Variants in LRRTM4 observed in about 807,000 individuals in gnomAD.
LRRTM4 encodes leucine rich repeat transmembrane neuronal 4.
LRRTM4 carries 25 observed loss-of-function variants against 47.6 expected under a neutral mutation model. The observed-to-expected ratio is 0.53, with a 90% confidence interval of 0.38 to 0.73. The LOEUF (loss-of-function observed/expected upper bound fraction) is 0.73. Among genes scored for constraint, LRRTM4 ranks in the 30% least tolerant of loss-of-function variants. The probability of loss-of-function intolerance (pLI) is 0.00; values close to 1 mark genes in which losing one functional copy is unlikely to be tolerated. For synonymous variants in LRRTM4, 311 were observed against 269.5 expected, an observed-to-expected ratio of 1.15 and a Z score of -1.51; for missense variants, 638 against 713.4, an observed-to-expected ratio of 0.89 and a Z score of 1.20.
At chr2:77,423,114 T>C (rs1674967347) in intron 3 of LRRTM4, among the ~76,000 whole-genome samples, 1 of 152,152 alleles carries the variant, frequency 6.6e-6, no homozygotes, top group South Asian at 2.1e-4. Context: ...GCACTATTCA[T>C]TTTAAGAGTT....
At chr2:76,810,689 C>T (rs1432053446) in intron 3 of LRRTM4, among the ~76,000 whole-genome samples, 2 of 152,044 alleles carry the variant, frequency 1.3e-5, no homozygotes, top group East Asian at 3.9e-4. Flanking sequence ...AACTTAACTT[C>T]CTTATTTAGT....
chr2:76,887,020 T>A (rs1342672940), intron 3 of LRRTM4, among the ~76,000 whole-genome samples: 1 of 151,844 alleles, frequency 6.6e-6, no homozygotes, highest in Non-Finnish European at 1.5e-5. Flanking sequence ...GAATAAAAAT[T>A]AAAAAATATG....
At chr2:76,858,413 A>G (rs966153393) in intron 3 of LRRTM4, among the ~76,000 whole-genome samples, 2 of 152,174 alleles carry the variant, frequency 1.3e-5, no homozygotes, top group African/African-American at 2.4e-5. Flanking sequence ...CAGGCTTCCA[A>G]CTGAAACTAT....
At chr2:77,394,033 A>G (rs967592559) in intron 3 of LRRTM4, among the ~76,000 whole-genome samples, 1 of 152,024 alleles carries the variant, frequency 6.6e-6, no homozygotes, top group Non-Finnish European at 1.5e-5. Flanking sequence ...TCATACTGCA[A>G]TGAAGTATTG....
chr2:77,395,983 T>A (rs1673685314), intron 3 of LRRTM4, among the ~76,000 whole-genome samples: 1 of 151,914 alleles, frequency 6.6e-6, no homozygotes, highest in Non-Finnish European at 1.5e-5. Context: ...GGAGTTAATT[T>A]TGCTCATTAT....
chr2:77,416,791 C>G (rs998437065), intron 3 of LRRTM4, among the ~76,000 whole-genome samples: 1 of 152,002 alleles, frequency 6.6e-6, no homozygotes, highest in Admixed American at 6.6e-5. Flanking sequence ...AATAGGGTAA[C>G]TGCATAAATG....
intron 3 of LRRTM4, among the ~76,000 whole-genome samples, chr2:77,344,709 T>C (rs1238847881): frequency 6.6e-6 from 1 of 151,744 alleles, no homozygotes; most frequent in African/African-American, 2.4e-5. Flanking sequence ...GAATCAAAAA[T>C]AGGATAAAAG....
intron 3 of LRRTM4, among the ~76,000 whole-genome samples, chr2:76,950,338 T>A (rs964215573): frequency 6.6e-6 from 1 of 151,976 alleles, no homozygotes; most frequent in Non-Finnish European, 1.5e-5. Flanking sequence ...GGTATTGGGA[T>A]GGAGTCAGAC....
At chr2:76,971,745 T>C (rs1161095042) in intron 3 of LRRTM4, among the ~76,000 whole-genome samples, 2 of 152,022 alleles carry the variant, frequency 1.3e-5, no homozygotes, top group African/African-American at 4.8e-5. Flanking sequence ...AAAAATTCAG[T>C]GATAATTTTT....
chr2:77,309,701 A>C (rs1029757937), intron 3 of LRRTM4, among the ~76,000 whole-genome samples: 13 of 151,428 alleles, frequency 8.6e-5, no homozygotes, highest in Non-Finnish European at 1.9e-4. Context: ...ATAGATAGAT[A>C]GATAGATAGA....
chr2:76,990,695 A>T (rs1411485523), intron 3 of LRRTM4, among the ~76,000 whole-genome samples: 1 of 151,872 alleles, frequency 6.6e-6, no homozygotes, highest in Non-Finnish European at 1.5e-5. Flanking sequence ...CCACACAATA[A>T]TAGTGAGGGA....
intron 3 of LRRTM4, among the ~76,000 whole-genome samples, chr2:77,239,476 A>C (rs890352690): frequency 4.6e-5 from 7 of 151,962 alleles, no homozygotes; most frequent in Non-Finnish European, 8.8e-5. Context: ...AAACACTACA[A>C]TTAAGAAAGA....
chr2:77,363,303 T>C (rs1265250841), intron 3 of LRRTM4, among the ~76,000 whole-genome samples: 1 of 151,918 alleles, frequency 6.6e-6, no homozygotes, highest in African/African-American at 2.4e-5. Context: ...GAATTGAATA[T>C]TAAAAAGAAA....
rs80124552 is a variant in LRRTM4, at chr2:77,246,823, G to A, written c.1551+271495C>T. ...GCCTATATACATATACATATGACAC[G>A]CCTATATACATGTATACATATATGC... On this transcript the variant is annotated intron_variant, in intron 3 of 3. Coordinates refer to ENST00000409884, the MANE Select transcript of LRRTM4 (RefSeq NM_001134745.3). Among the ~76,000 whole-genome samples the A allele has an allele frequency of 4.2e-3, 638 of 151,664 alleles. 1 individual carries two copies. The highest frequency in any genetic ancestry group is 0.015 in the African/African-American group (603 of 41,390).
intron 3 of LRRTM4, among the ~76,000 whole-genome samples, chr2:77,000,533 C>T (rs1077111): frequency 0.14 from 21,344 of 152,108 alleles, 1,611 homozygotes; most frequent in Admixed American, 0.2. Flanking sequence ...ATTAAGTGTG[C>T]TCAGGGACTG....
chr2:76,846,872 A>T (rs1255097658), intron 3 of LRRTM4, among the ~76,000 whole-genome samples: 1 of 151,560 alleles, frequency 6.6e-6, no homozygotes, highest in Admixed American at 6.6e-5. Context: ...GTGCATAATT[A>T]ATTTTAAATG....
intron 3 of LRRTM4, among the ~76,000 whole-genome samples, chr2:77,337,778 G>A (rs893737976): frequency 6.6e-6 from 1 of 151,958 alleles, no homozygotes; most frequent in African/African-American, 2.4e-5. Flanking sequence ...ATGAACTAAT[G>A]CAGAGCCTGA....
At chr2:77,501,317 T>C (rs1036497127) in intron 3 of LRRTM4, among the ~76,000 whole-genome samples, 2 of 150,786 alleles carry the variant, frequency 1.3e-5, no homozygotes, top group South Asian at 2.1e-4. Context: ...TATATTTGTA[T>C]ATATGAAAAC....
chr2:77,107,461 A>G (rs1671121631), intron 3 of LRRTM4, among the ~76,000 whole-genome samples: 1 of 152,176 alleles, frequency 6.6e-6, no homozygotes, highest in Non-Finnish European at 1.5e-5. Context: ...AAACCACAAT[A>G]TGTTTCAAAA....
Sources: allele counts gnomAD v4.1 joint callset (sites outside exome capture counted in the v4.1 genomes callset), GRCh38; gene constraint gnomAD v4.1.1; transcripts MANE v1.5; gene names NCBI Gene and HGNC (gene_info 2026-07-23, HGNC 2026-07-21).